The following KANK1 variants were observed in gnomAD, a reference collection of about 807,000 sequenced individuals.
The protein encoded by KANK1 is KN motif and ankyrin repeat domain-containing protein 1.
KANK1 carries 109 observed loss-of-function variants against 106.2 expected under a neutral mutation model. That is an observed-to-expected ratio of 1.03 (90% CI 0.88 to 1.20). KANK1 has a LOEUF of 1.20. Among genes scored for constraint, KANK1 ranks in the 50% most tolerant of loss-of-function variants. The probability of loss-of-function intolerance (pLI) is 0.00; values close to 1 mark genes in which losing one functional copy is unlikely to be tolerated. For synonymous variants in KANK1, 873 were observed against 652.2 expected, an observed-to-expected ratio of 1.34 and a Z score of -5.16; for missense variants, 2,399 against 1,710.7, an observed-to-expected ratio of 1.40 and a Z score of -7.10.
At chr9:638,551 C>G (rs759695479) in intron 1 of KANK1, among the ~76,000 whole-genome samples, 3 of 152,150 alleles carry the variant, frequency 2.0e-5, no homozygotes, top group Admixed American at 6.6e-5. Flanking sequence ...ATTGTTAGCA[C>G]CAGCTCTGTA....
chr9:497,848 G>C (rs1430963778), intron 3 of KANK1, among the ~76,000 whole-genome samples: 1 of 131,668 alleles, frequency 7.6e-6, no homozygotes, highest in Non-Finnish European at 1.5e-5. Flanking sequence ...GTGAGACCCT[G>C]TATTAACCCC....
At chr9:584,701 G>T (rs1823017752) in intron 1 of KANK1, among the ~76,000 whole-genome samples, 1 of 152,208 alleles carries the variant, frequency 6.6e-6, no homozygotes, top group Non-Finnish European at 1.5e-5. Flanking sequence ...TGAGGATGGT[G>T]CTGGAAGAGA....
intron 3 of KANK1, among the ~76,000 whole-genome samples, chr9:485,871 A>G (rs1239018038): frequency 1.3e-5 from 1 of 78,336 alleles, no homozygotes; most frequent in Non-Finnish European, 2.1e-5. Flanking sequence ...AATTGTCTCA[A>G]AAAAAAAAAA....
At chr9:699,796 C>T (rs1344327668) in intron 2 of KANK1, among the ~76,000 whole-genome samples, 2 of 152,184 alleles carry the variant, frequency 1.3e-5, no homozygotes, top group Non-Finnish European at 2.9e-5. Flanking sequence ...GCCTGGGCAA[C>T]ATAGTGGGAC....
intron 1 of KANK1, among the ~76,000 whole-genome samples, chr9:674,863 T>C (rs11792599): frequency 0.54 from 82,161 of 151,806 alleles, 22,861 homozygotes; most frequent in Admixed American, 0.65. Context: ...ACCACCAGCC[T>C]TGGCTAATTT....
At chr9:523,367 GC>G (rs1423631388) in intron 1 of KANK1, among the ~76,000 whole-genome samples, 1 of 151,644 alleles carries the variant, frequency 6.6e-6, no homozygotes, top group Non-Finnish European at 1.5e-5. Context: ...TGTAGAATCT[GC>G]ATCGTCCTCC....
chr9:474,597 T>TA (rs1361221221), intron 3 of KANK1, among the ~76,000 whole-genome samples: 1 of 152,140 alleles, frequency 6.6e-6, no homozygotes, highest in Non-Finnish European at 1.5e-5. Context: ...GTCGTTTCTC[T>TA]AAAAAAGTAT....
intron 8 of KANK1, among the ~76,000 whole-genome samples, chr9:740,325 G>C (rs1398935622): frequency 6.6e-6 from 1 of 152,142 alleles, no homozygotes; most frequent in South Asian, 2.1e-4. Flanking sequence ...AGTAAATTCA[G>C]AGTCTCAGAA....
At chr9:501,335 G>T (rs1257689978), upstream of KANK1, among the ~76,000 whole-genome samples, 1 of 151,916 alleles carries the variant, frequency 6.6e-6, no homozygotes, top group Non-Finnish European at 1.5e-5. Flanking sequence ...TGCCCCCAAG[G>T]TTTTCAGTAC....
intron 1 of KANK1, among the ~76,000 whole-genome samples, chr9:572,655 C>T (rs557251167): frequency 6.6e-6 from 1 of 152,218 alleles, no homozygotes; most frequent in African/African-American, 2.4e-5. Context: ...CCTCCCAAAG[C>T]ACTGGGATTA....
chr9:732,021 A>C, intron 5 of KANK1: 1 of 185,194 alleles, frequency 5.4e-6, no homozygotes. Flanking sequence ...ATACTGGGAG[A>C]ATTAATAGGA....
intron 1 of KANK1, among the ~76,000 whole-genome samples, chr9:636,055 C>G (rs1471131228): frequency 6.6e-6 from 1 of 152,094 alleles, no homozygotes; most frequent in East Asian, 1.9e-4. Flanking sequence ...TACTGTTTTT[C>G]TGATATTCTC....
intron 1 of KANK1, among the ~76,000 whole-genome samples, chr9:518,974 T>C (rs941820652): frequency 3.3e-5 from 5 of 151,242 alleles, no homozygotes; most frequent in East Asian, 3.9e-4. Flanking sequence ...CACCGCAAAC[T>C]CCCCCTTCCA....
chr9:501,280 A>C (rs1303259299), upstream of KANK1, among the ~76,000 whole-genome samples: 5 of 152,282 alleles, frequency 3.3e-5, no homozygotes, highest in South Asian at 2.1e-4. Flanking sequence ...TTCAGCAAGG[A>C]CCAGACAACG....
At chr9:674,591 C>T (rs1177051727) in intron 1 of KANK1, among the ~76,000 whole-genome samples, 1 of 152,014 alleles carries the variant, frequency 6.6e-6, no homozygotes, top group Non-Finnish European at 1.5e-5. Context: ...TATTTCTGAC[C>T]CCTTATAATC....
At chr9:626,440 A>C (rs554317522) in intron 1 of KANK1, among the ~76,000 whole-genome samples, 8 of 151,976 alleles carry the variant, frequency 5.3e-5, no homozygotes, top group African/African-American at 1.9e-4. Context: ...AAAAGGAAAC[A>C]AAAAAAAGCT....
rs573450751 is a variant in KANK1 at position 555,063 on chromosome 9, C to G, written c.-84+50309C>G. Among the ~76,000 whole-genome samples, 7 of 152,328 alleles carry G rather than the reference C, an allele frequency of 4.6e-5. No individual in the cohort carries two copies. The South Asian group carries it at 1.5e-3, about 32-fold the overall frequency. ...TTGGCACGTGAAATTAACCTGCATA[C>G]CAGGTAATGTTTCTGCTGCTGGCCT... On this transcript the variant is annotated intron_variant, in intron 1 of 11. Coordinates refer to ENST00000382297, the MANE Select transcript of KANK1 (RefSeq NM_015158.5).
intron 3 of KANK1, among the ~76,000 whole-genome samples, chr9:486,797 A>G (rs926091713): frequency 6.6e-5 from 10 of 152,188 alleles, no homozygotes; most frequent in Admixed American, 5.2e-4. Context: ...AATTATATAA[A>G]CAATTTTTAT....
chr9:719,617 T>C (rs150769994), intron 3 of KANK1, among the ~76,000 whole-genome samples: 1 of 152,254 alleles, frequency 6.6e-6, no homozygotes, highest in East Asian at 1.9e-4. Context: ...TTAAATTGAT[T>C]TTCTAACAAA....
Sources: allele counts gnomAD v4.1 joint callset (sites outside exome capture counted in the v4.1 genomes callset), GRCh38; gene constraint gnomAD v4.1.1; transcripts MANE v1.5; gene names NCBI Gene and HGNC (gene_info 2026-07-23, HGNC 2026-07-21).